The following ARHGEF38 variants were observed in gnomAD, a reference collection of about 807,000 sequenced individuals.
The protein encoded by ARHGEF38 is Rho guanine nucleotide exchange factor (GEF) 38.
A neutral mutation model predicts 79.9 loss-of-function variants in ARHGEF38; 79 were observed. The observed-to-expected ratio is 0.99, with a 90% CI of 0.82 to 1.19. The LOEUF (loss-of-function observed/expected upper bound fraction) is 1.19. Ranked by LOEUF, ARHGEF38 falls within the 50% of genes most tolerant of loss-of-function variation. The probability of loss-of-function intolerance (pLI) is 0.00; values close to 1 mark genes in which losing one functional copy is unlikely to be tolerated. For synonymous variants in ARHGEF38, 366 were observed against 328.3 expected, an observed-to-expected ratio of 1.11 and a Z score of -1.24; for missense variants, 962 against 907.2, an observed-to-expected ratio of 1.06 and a Z score of -0.78.
intron 13 of ARHGEF38, among the ~76,000 whole-genome samples, chr4:105,668,343 G>T (rs1037500740): frequency 6.6e-6 from 1 of 151,900 alleles, no homozygotes; most frequent in Non-Finnish European, 1.5e-5. Context: ...CACCACGCCT[G>T]GCTAATTTTT....
At chr4:105,574,410 G>T (rs1203320964) in intron 1 of ARHGEF38, among the ~76,000 whole-genome samples, 1 of 152,076 alleles carries the variant, frequency 6.6e-6, no homozygotes, top group African/African-American at 2.4e-5. Flanking sequence ...ATTTAGCCAG[G>T]CATGGTTGTA....
At chr4:105,677,109 A>G (rs756798693) in intron 13 of ARHGEF38, among the ~76,000 whole-genome samples, 6 of 151,804 alleles carry the variant, frequency 4.0e-5, no homozygotes, top group Non-Finnish European at 7.4e-5. Context: ...GATTACAGGC[A>G]CACGCCACCA....
chr4:105,617,017 T>C (rs1483725321), intron 3 of ARHGEF38, among the ~76,000 whole-genome samples: 1 of 152,184 alleles, frequency 6.6e-6, no homozygotes, highest in Non-Finnish European at 1.5e-5. Context: ...TACTAATGAG[T>C]TGACACCGTT....
intron 1 of ARHGEF38, chr4:105,563,301 G>A (rs1232916817): frequency 1.3e-5 from 2 of 152,120 alleles, no homozygotes; most frequent in Admixed American, 1.3e-4. Context: ...AATCCAATTA[G>A]GACTTTTAGG....
intron 13 of ARHGEF38, among the ~76,000 whole-genome samples, chr4:105,677,138 AT>A (rs1731151976): frequency 1.3e-5 from 2 of 151,612 alleles, no homozygotes; most frequent in African/African-American, 4.8e-5. Flanking sequence ...TAATTTTTGT[AT>A]TTTTTAGTAG....
chr4:105,602,280 G>A (rs1037637235), intron 2 of ARHGEF38, among the ~76,000 whole-genome samples: 2 of 152,140 alleles, frequency 1.3e-5, no homozygotes, highest in African/African-American at 2.4e-5. Flanking sequence ...GGAGTAAGAC[G>A]AGATAGGTCT....
At chr4:105,565,257 C>A (rs1725830437) in intron 1 of ARHGEF38, among the ~76,000 whole-genome samples, 2 of 152,166 alleles carry the variant, frequency 1.3e-5, no homozygotes, top group Admixed American at 6.6e-5. Context: ...TCCACATTTT[C>A]ACTTAATACC....
At position 105,556,488 on chromosome 4, in the gene ARHGEF38, T is replaced by G. The variant is rs145785162; in HGVS notation, c.196+3527T>G. On this transcript the variant is annotated intron_variant, in intron 1 of 13. Coordinates refer to ENST00000420470, the MANE Select transcript of ARHGEF38 (RefSeq NM_001242729.2). Reference sequence around the variant, plus strand: ...AAGGAGGTTGTCAGAAAATGGTGTCTCTAAGAAATGGTAAGGGTAGGGATG... The same window carrying G: ...AAGGAGGTTGTCAGAAAATGGTGTCGCTAAGAAATGGTAAGGGTAGGGATG... 8.3e-4 allele frequency among the ~76,000 whole-genome samples: 127 copies of G among 152,236 alleles called. 1 individual carries two copies. The highest frequency in any genetic ancestry group is 2.8e-3 in the African/African-American group (117 of 41,550).
intron 13 of ARHGEF38, 142 bp downstream of exon 13, chr4:105,667,845 T>G (rs896381495): frequency 1.0e-6 from 1 of 967,790 alleles, no homozygotes; most frequent in Non-Finnish European, 1.5e-6. Context: ...ACAGTGGATC[T>G]TTTTGTAAGG....
At chr4:105,553,788 T>A (rs1330661849) in intron 1 of ARHGEF38, among the ~76,000 whole-genome samples, 2 of 152,174 alleles carry the variant, frequency 1.3e-5, no homozygotes, top group Non-Finnish European at 2.9e-5. Context: ...CGGTACTTGT[T>A]ATGTGGTCCT....
chr4:105,642,243 T>C (rs2110534645), intron 5 of ARHGEF38, among the ~76,000 whole-genome samples: 2 of 152,308 alleles, frequency 1.3e-5, no homozygotes, highest in South Asian at 4.1e-4. Context: ...GTCTGTGCGA[T>C]GCAGTTTTCT....
intron 7 of ARHGEF38, 150 bp from the exon 8 acceptor site, chr4:105,653,915 A>AT (rs1288435982): frequency 1.3e-5 from 5 of 385,982 alleles, no homozygotes; most frequent in African/African-American, 8.1e-5. Context: ...CAACAGAGAA[A>AT]GTATGTGTTA....
rs1418592786 is a variant in ARHGEF38, at chr4:105,573,857, A to G, written c.197-15391A>G. Among the ~76,000 whole-genome samples the G allele has an allele frequency of 3.3e-5, 5 of 152,044 alleles. No individual in the cohort carries two copies. In the East Asian group the frequency reaches 5.8e-4, roughly 18 times the overall value. On this transcript the variant is annotated intron_variant, in intron 1 of 13. Coordinates refer to ENST00000420470, the MANE Select transcript of ARHGEF38 (RefSeq NM_001242729.2). Reference sequence around the variant, plus strand: ...ATATCAAGTCTTTCCGTCCATGAACATATCTTCTCATGTATTTATATCTTT... The same window carrying G: ...ATATCAAGTCTTTCCGTCCATGAACGTATCTTCTCATGTATTTATATCTTT...
At chr4:105,666,480 C>T (rs760690945) in intron 11 of ARHGEF38, among the ~76,000 whole-genome samples, 160 bp downstream of exon 11, 1 of 152,170 alleles carries the variant, frequency 6.6e-6, no homozygotes, top group African/African-American at 2.4e-5. Flanking sequence ...ATACCATAAG[C>T]TCCATAAGAT....
chr4:105,653,058 G>T (rs1482867888), intron 7 of ARHGEF38, among the ~76,000 whole-genome samples: 1 of 152,074 alleles, frequency 6.6e-6, no homozygotes, highest in Non-Finnish European at 1.5e-5. Context: ...GATGAGGCTG[G>T]TTCCGATCTT....
intron 3 of ARHGEF38, among the ~76,000 whole-genome samples, chr4:105,615,469 G>A (rs1211163315): frequency 6.6e-6 from 1 of 152,168 alleles, no homozygotes; most frequent in Non-Finnish European, 1.5e-5. Context: ...CAAGAGAAAT[G>A]TAGAAGAAAG....
At position 105,667,125 on chromosome 4, in the gene ARHGEF38, C is replaced by T. The variant is rs1172517723; in HGVS notation, c.1690-4C>T. ...AAACCAAAACTTCTCCTTATTTCTC[C>T]CAGCCAGAAATGCCACATCAAACTG... On this transcript the variant is annotated splice_polypyrimidine_tract_variant and splice_region_variant and intron_variant, in intron 11 of 13. Transcript: ENST00000420470. 4 of 1,527,350 alleles carry T rather than the reference C, an allele frequency of 2.6e-6. No individual in the cohort carries two copies. In the Admixed American group the frequency reaches 7.9e-5, roughly 30 times the overall value. 94.6% of individuals were successfully genotyped at this position (1,527,350 alleles called of 1,614,324 possible).
In ARHGEF38 at chr4:105,630,897, G is replaced by A; in HGVS notation, c.509-1G>A. The A allele has an allele frequency of 6.2e-7, 1 of 1,604,254 alleles. No individual in the cohort carries two copies. Among genetic ancestry groups the A allele is most frequent in the South Asian group, 1.1e-5 (1 of 88,720 alleles). ...TTTTGCCTTTGTTTTGCATTTATCA[G>A]GAGAAGTATTCTTGCAGATTAAAGG... On this transcript the variant is annotated splice_acceptor_variant, in intron 3 of 13. Transcript: ENST00000420470. LOFTEE classifies it high-confidence loss of function.
chr4:105,561,424 G>GGAATGGAATAGAATA (rs1725543218), intron 1 of ARHGEF38, among the ~76,000 whole-genome samples: 1 of 53,022 alleles, frequency 1.9e-5, no homozygotes, highest in Non-Finnish European at 3.5e-5. Context: ...AGAATAGAAT[G>GGAATGGAATAGAATA]GAATAGAATA....
Sources: allele counts gnomAD v4.1 joint callset (sites outside exome capture counted in the v4.1 genomes callset), GRCh38; gene constraint gnomAD v4.1.1; transcripts MANE v1.5; gene names NCBI Gene and HGNC (gene_info 2026-07-23, HGNC 2026-07-21).